The following SDK1 variants were observed in gnomAD, a reference collection of about 807,000 sequenced individuals.
SDK1 encodes the protein protein sidekick-1.
In SDK1, 157 loss-of-function variants were observed where a neutral mutation model predicts 245.5. That is an observed-to-expected ratio of 0.64 (90% CI 0.56 to 0.73). The LOEUF (loss-of-function observed/expected upper bound fraction) is 0.73. SDK1 is among the 30% of genes least tolerant of loss of function. SDK1 has a pLI of 0.00. For missense variants in SDK1, 3,583 were observed against 3,002.3 expected (o/e 1.19, Z -4.52); for synonymous variants, 1,647 against 1,278.5 (o/e 1.29, Z -6.15).
intron 40 of SDK1, chr7:4,227,295 C>T (rs1785500417): frequency 2.2e-5 from 10 of 456,720 alleles, no homozygotes; most frequent in East Asian, 7.0e-5. Context: ...TTCTCATAAG[C>T]GTGTTTCTGA....
chr7:3,375,180 C>CA lies in SDK1; in HGVS notation c.298+73311dup, dbSNP rs35979685. The stretch of plus-strand genomic sequence containing the variant: ...ATAAAGCTAATCTGAAGTTAATTTG[C>CA]AAAAAAAAAAAAAAATTGTGCATTG... On this transcript the variant is annotated intron_variant, in intron 1 of 44. Transcript: ENST00000404826. Among the ~76,000 whole-genome samples, 1,119 of 142,420 alleles carry CA rather than the reference C, an allele frequency of 7.9e-3. 5 individuals are homozygous for CA. The highest frequency in any genetic ancestry group is 0.024 in the African/African-American group (877 of 37,240). The allele number at this position is 142,420 out of a possible 152,430, so 93.4% of individuals were successfully genotyped here. A position where few individuals can be genotyped will look rare whatever the true frequency, so the allele number is the denominator to read the frequency against.
intron 1 of SDK1, among the ~76,000 whole-genome samples, chr7:3,309,341 A>C (rs1204614116): frequency 6.6e-6 from 1 of 151,452 alleles, no homozygotes; most frequent in Non-Finnish European, 1.5e-5. Flanking sequence ...GTGTTCATAT[A>C]GGATATAATC....
chr7:4,152,869 G>T (rs961325013), intron 30 of SDK1, among the ~76,000 whole-genome samples: 1 of 152,212 alleles, frequency 6.6e-6, no homozygotes, highest in African/African-American at 2.4e-5. Flanking sequence ...TATGGGTCGA[G>T]ACCCCCAGGG....
chr7:3,963,016 C>A (rs988047242), intron 9 of SDK1, among the ~76,000 whole-genome samples, 165 bp downstream of exon 9: 1 of 130,298 alleles, frequency 7.7e-6, no homozygotes, highest in Non-Finnish European at 1.6e-5. Context: ...TGGATGTAAC[C>A]ACTGGGTACA....
At chr7:4,013,712 A>T (rs1786163816) in intron 16 of SDK1, among the ~76,000 whole-genome samples, 1 of 152,120 alleles carries the variant, frequency 6.6e-6, no homozygotes, top group African/African-American at 2.4e-5. Flanking sequence ...CAGCGTCGGG[A>T]TTCTCTTCTA....
intron 5 of SDK1, among the ~76,000 whole-genome samples, chr7:3,876,357 G>A (rs1247010191): frequency 6.6e-6 from 1 of 152,176 alleles, no homozygotes. Context: ...ATCCAATGCT[G>A]CAGGTCCTGT....
At chr7:3,975,477 A>C (rs1463338010) in intron 13 of SDK1, among the ~76,000 whole-genome samples, 1 of 152,172 alleles carries the variant, frequency 6.6e-6, no homozygotes, top group Non-Finnish European at 1.5e-5. Flanking sequence ...ATCATTCCCC[A>C]CAAATAGAAT....
At chr7:3,868,306 G>T (rs1562501671) in intron 5 of SDK1, among the ~76,000 whole-genome samples, 2 of 152,280 alleles carry the variant, frequency 1.3e-5, no homozygotes, top group East Asian at 3.9e-4. Flanking sequence ...TACATGAGCT[G>T]GGAGGATTTG....
chr7:3,575,567 T>C (rs1055405929), intron 1 of SDK1, among the ~76,000 whole-genome samples: 2 of 151,996 alleles, frequency 1.3e-5, no homozygotes, highest in Admixed American at 1.3e-4. Context: ...ATAGTGCTTT[T>C]TGCTGGGTTT....
At chr7:3,563,985 A>G (rs964488652) in intron 1 of SDK1, among the ~76,000 whole-genome samples, 1 of 152,176 alleles carries the variant, frequency 6.6e-6, no homozygotes, top group Non-Finnish European at 1.5e-5. Flanking sequence ...ATTATGATAT[A>G]TTTAGAACTG....
chr7:3,595,828 CAAAAAAAAAAAAA>C (rs35037283), intron 1 of SDK1, among the ~76,000 whole-genome samples: 1 of 54,038 alleles, frequency 1.9e-5, no homozygotes. Flanking sequence ...GACTTCATCT[CAAAAAAAAAAAAA>C]AAAAAAAAAA....
At chr7:4,056,827 G>A (rs560172310) in intron 19 of SDK1, among the ~76,000 whole-genome samples, 2 of 151,850 alleles carry the variant, frequency 1.3e-5, no homozygotes, top group South Asian at 2.1e-4. Flanking sequence ...AGACCATTCC[G>A]CCCCGGGTCC....
chr7:3,839,810 G>A (rs1370581953), intron 5 of SDK1, among the ~76,000 whole-genome samples: 1 of 152,096 alleles, frequency 6.6e-6, no homozygotes, highest in East Asian at 1.9e-4. Context: ...AATCAAACCA[G>A]TTTTTTTAAC....
intron 5 of SDK1, among the ~76,000 whole-genome samples, chr7:3,937,690 G>A (rs1299426979): frequency 6.6e-6 from 1 of 152,114 alleles, no homozygotes; most frequent in African/African-American, 2.4e-5. Context: ...AGTTTGGGTC[G>A]AGGAGGACCA....
intron 5 of SDK1, among the ~76,000 whole-genome samples, chr7:3,893,215 C>CAGTGA: frequency 6.6e-6 from 1 of 152,236 alleles, no homozygotes; most frequent in Non-Finnish European, 1.5e-5. Flanking sequence ...ATCCCTTAAC[C>CAGTGA]AGTGAACTCC....
chr7:3,654,853 G>A (rs542900157), intron 4 of SDK1, among the ~76,000 whole-genome samples: 1 of 152,200 alleles, frequency 6.6e-6, no homozygotes, highest in East Asian at 1.9e-4. Flanking sequence ...CATTTCACAT[G>A]AGCATATCTT....
intron 5 of SDK1, among the ~76,000 whole-genome samples, chr7:3,867,068 C>A (rs1339766721): frequency 6.6e-6 from 1 of 152,152 alleles, no homozygotes; most frequent in African/African-American, 2.4e-5. Context: ...GCCTTCATTC[C>A]CCGTGCTAAT....
intron 35 of SDK1, among the ~76,000 whole-genome samples, chr7:4,200,492 C>T (rs1468330607): frequency 1.3e-5 from 2 of 152,232 alleles, no homozygotes; most frequent in Admixed American, 1.3e-4. Context: ...GTCTCTGGGA[C>T]AGTGTCAACC....
In SDK1 at chr7:3,510,255, C is replaced by T. The variant is rs148287610; in HGVS notation, c.299-108825C>T. 2.2e-4 allele frequency among the ~76,000 whole-genome samples: 33 copies of T among 152,282 alleles called. No homozygotes were observed. The East Asian group carries it at 6.4e-3, about 29-fold the overall frequency. ...ACAAGGTGGTGAGGAAGCCAGCCTGCCTCAAGGAGTTTAACATTTCCTAGG... is the reference window on the plus strand; with the variant it reads ...ACAAGGTGGTGAGGAAGCCAGCCTGTCTCAAGGAGTTTAACATTTCCTAGG... On this transcript the variant is annotated intron_variant, in intron 1 of 44. Transcript: ENST00000404826.
Sources: gnomAD v4.1 joint callset for allele counts (sites outside exome capture counted in the v4.1 genomes callset) on GRCh38, gnomAD v4.1.1 for gene constraint, MANE v1.5 for transcripts, NCBI Gene and HGNC (gene_info 2026-07-23, HGNC 2026-07-21) for gene names.